Variants in SLC24A3 observed in about 807,000 individuals in gnomAD.
SLC24A3 encodes the protein solute carrier family 24 member 3.
A neutral mutation model predicts 75.8 loss-of-function variants in SLC24A3; 28 were observed. That is an observed-to-expected ratio of 0.37 (90% CI 0.27 to 0.51). SLC24A3 has a LOEUF of 0.51. SLC24A3 is among the 20% of genes least tolerant of loss of function. The pLI is 0.94. For missense variants in SLC24A3, 663 were observed against 847.8 expected (o/e 0.78, Z 2.71); for synonymous variants, 372 against 334.1 (o/e 1.11, Z -1.24).
At chr20:19,559,962 G>T (rs1259631005) in intron 3 of SLC24A3, among the ~76,000 whole-genome samples, 1 of 152,010 alleles carries the variant, frequency 6.6e-6, no homozygotes, top group African/African-American at 2.4e-5. Context: ...GCAAATTTCC[G>T]TGGTGTAAAT....
intron 6 of SLC24A3, among the ~76,000 whole-genome samples, chr20:19,643,123 C>T (rs1284944283): frequency 6.6e-6 from 1 of 152,160 alleles, no homozygotes. Flanking sequence ...ATAAAAATAT[C>T]ACTGTTCACT....
chr20:19,352,391 C>T (rs558053928), intron 2 of SLC24A3, among the ~76,000 whole-genome samples: 50 of 152,238 alleles, frequency 3.3e-4, no homozygotes, highest in Middle Eastern at 6.8e-3. Context: ...CCAGCACCAA[C>T]GGCAGCAACT....
intron 2 of SLC24A3, among the ~76,000 whole-genome samples, chr20:19,314,931 C>A (rs536029435): frequency 3.3e-5 from 5 of 152,302 alleles, no homozygotes; most frequent in African/African-American, 1.2e-4. Context: ...CAGTATCACC[C>A]TGTCATCTGA....
At chr20:19,282,170 C>G (rs148966936) in intron 2 of SLC24A3, among the ~76,000 whole-genome samples, 1 of 152,150 alleles carries the variant, frequency 6.6e-6, no homozygotes, top group African/African-American at 2.4e-5. Context: ...TGCAGGTCTG[C>G]GATCTATTGG....
chr20:19,232,614 A>G (rs751051104), intron 1 of SLC24A3, among the ~76,000 whole-genome samples: 1 of 152,250 alleles, frequency 6.6e-6, no homozygotes, highest in Non-Finnish European at 1.5e-5. Flanking sequence ...CTCTCCAGGC[A>G]TCACCGTAGT....
chr20:19,392,072 C>A (rs1453985673), intron 2 of SLC24A3, among the ~76,000 whole-genome samples: 1 of 152,064 alleles, frequency 6.6e-6, no homozygotes, highest in Non-Finnish European at 1.5e-5. Context: ...GTGTCGGGGG[C>A]ACACAGTAGG....
intron 2 of SLC24A3, among the ~76,000 whole-genome samples, chr20:19,364,329 G>A (rs1490833598): frequency 1.3e-5 from 2 of 152,108 alleles, no homozygotes; most frequent in Non-Finnish European, 2.9e-5. Context: ...GGAATGAGGG[G>A]TACAAAGATG....
intron 1 of SLC24A3, among the ~76,000 whole-genome samples, chr20:19,254,246 C>T (rs1982744843): frequency 6.6e-6 from 1 of 152,158 alleles, no homozygotes; most frequent in Admixed American, 6.5e-5. Flanking sequence ...AGTCTGGCTT[C>T]ATTTGTGAGG....
At chr20:19,439,629 T>A (rs1325117320) in intron 2 of SLC24A3, among the ~76,000 whole-genome samples, 1 of 152,202 alleles carries the variant, frequency 6.6e-6, no homozygotes. Context: ...CCAAAACTTA[T>A]TTCCTTCCAA....
Position 19,534,398 on chromosome 20 carries a change from C to A in SLC24A3, c.348+18834C>A, listed in dbSNP as rs1363805408. 1.1e-4 allele frequency among the ~76,000 whole-genome samples: 3 copies of A among 28,420 alleles called. No homozygotes were observed. In the East Asian group the frequency reaches 2.1e-3, roughly 20 times the overall value. The allele number at this position is 28,420 out of a possible 152,430, so 18.6% of individuals were successfully genotyped here. On this transcript the variant is annotated intron_variant, in intron 3 of 16. Coordinates refer to ENST00000328041, the MANE Select transcript of SLC24A3 (RefSeq NM_020689.4). The stretch of plus-strand genomic sequence containing the variant: ...CTGTTTGACATCCAAAAAGGCTTTT[C>A]TGTTGTTGTTTTTTTGTTTTGTTTT...
intron 13 of SLC24A3, 21 bp downstream of exon 13, chr20:19,693,446 A>G (rs781396169): frequency 6.2e-7 from 1 of 1,612,500 alleles, no homozygotes; most frequent in Non-Finnish European, 8.5e-7. Context: ...TCGGGACCCC[A>G]TGGCACTGTT....
chr20:19,714,321 C>G (rs1026637670), intron 15 of SLC24A3, among the ~76,000 whole-genome samples: 6 of 149,344 alleles, frequency 4.0e-5, no homozygotes, highest in African/African-American at 1.2e-4. Flanking sequence ...AGGAGGATCA[C>G]TTGGGCACAG....
chr20:19,324,902 C>T (rs1984802334), intron 2 of SLC24A3, among the ~76,000 whole-genome samples: 1 of 152,042 alleles, frequency 6.6e-6, no homozygotes, highest in African/African-American at 2.4e-5. Context: ...TATTCACTAA[C>T]AATACAAAAA....
chr20:19,224,144 G>A (rs2122137270), intron 1 of SLC24A3, among the ~76,000 whole-genome samples: 1 of 152,112 alleles, frequency 6.6e-6, no homozygotes, highest in Admixed American at 6.5e-5. Context: ...GTGTGTGTGT[G>A]TGTGAGAGTA....
At chr20:19,241,880 TG>T (rs1982338467) in intron 1 of SLC24A3, among the ~76,000 whole-genome samples, 1 of 152,194 alleles carries the variant, frequency 6.6e-6, no homozygotes, top group African/African-American at 2.4e-5. Context: ...TTTGTGTCTC[TG>T]GGAAAAGGGT....
chr20:19,217,060 C>T (rs2122126564), intron 1 of SLC24A3, among the ~76,000 whole-genome samples: 1 of 152,362 alleles, frequency 6.6e-6, no homozygotes, highest in East Asian at 1.9e-4. Flanking sequence ...CTTTATGTGG[C>T]TCACTTTGAA....
intron 3 of SLC24A3, among the ~76,000 whole-genome samples, chr20:19,530,840 G>C (rs192413135): frequency 6.6e-6 from 1 of 152,128 alleles, no homozygotes; most frequent in African/African-American, 2.4e-5. Context: ...GACACTCCAG[G>C]GGGAAAGGCT....
At chr20:19,296,868 G>C (rs1984073439) in intron 2 of SLC24A3, among the ~76,000 whole-genome samples, 1 of 152,092 alleles carries the variant, frequency 6.6e-6, no homozygotes, top group Non-Finnish European at 1.5e-5. Flanking sequence ...TCAGCAAATG[G>C]AAGAGAACTG....
chr20:19,591,044 C>A (rs1407880367), intron 6 of SLC24A3, among the ~76,000 whole-genome samples: 1 of 152,058 alleles, frequency 6.6e-6, no homozygotes, highest in Non-Finnish European at 1.5e-5. Context: ...CCCACCCCAA[C>A]CCCCTCAAGG....
Sources: gnomAD v4.1 joint callset for allele counts (sites outside exome capture counted in the v4.1 genomes callset) on GRCh38, gnomAD v4.1.1 for gene constraint, MANE v1.5 for transcripts, NCBI Gene and HGNC (gene_info 2026-07-23, HGNC 2026-07-21) for gene names.